Variants in NCALD observed in about 807,000 individuals in gnomAD.
The protein encoded by NCALD is neurocalcin-delta.
In NCALD, 10 loss-of-function variants were observed where a neutral mutation model predicts 18.6. That is an observed-to-expected ratio of 0.54 (90% confidence interval 0.33 to 0.91). The LOEUF is 0.91. Ranked by LOEUF, NCALD falls within the 40% of genes least tolerant of loss-of-function variation. The probability of loss-of-function intolerance (pLI) is 0.03; values close to 1 mark genes in which losing one functional copy is unlikely to be tolerated. For missense variants in NCALD, 184 were observed against 247.6 expected (o/e 0.74, Z 1.72); for synonymous variants, 88 against 87.4 (o/e 1.01, Z -0.04).
At chr8:101,990,060 T>C (rs1384966105) in intron 2 of NCALD, among the ~76,000 whole-genome samples, 1 of 152,180 alleles carries the variant, frequency 6.6e-6, no homozygotes, top group Non-Finnish European at 1.5e-5. Context: ...CTGGTAGAAT[T>C]CGTCCTGGTT....
intron 1 of NCALD, among the ~76,000 whole-genome samples, chr8:101,733,318 G>A (rs977271124): frequency 6.6e-6 from 1 of 152,214 alleles, no homozygotes; most frequent in Non-Finnish European, 1.5e-5. Context: ...AGCAAGGTGT[G>A]TAGAAAGAGA....
At chr8:101,703,434 A>C (rs147457517) in intron 2 of NCALD, among the ~76,000 whole-genome samples, 3 of 152,204 alleles carry the variant, frequency 2.0e-5, no homozygotes, top group African/African-American at 7.2e-5. Context: ...AAACATCAGC[A>C]TGAGATTAGA....
chr8:101,706,237 CT>C (rs1338266367), intron 2 of NCALD, among the ~76,000 whole-genome samples: 1 of 151,670 alleles, frequency 6.6e-6, no homozygotes, highest in East Asian at 1.9e-4. Context: ...GCTCTGGTGA[CT>C]GTCTAAATGT....
At chr8:102,100,419 T>C (rs1825237742) in intron 1 of NCALD, among the ~76,000 whole-genome samples, 1 of 152,212 alleles carries the variant, frequency 6.6e-6, no homozygotes. Context: ...TCATGAGATG[T>C]CTTTTTCAAT....
chr8:101,862,294 T>C (rs776049403), intron 4 of NCALD, among the ~76,000 whole-genome samples: 30 of 152,222 alleles, frequency 2.0e-4, no homozygotes, highest in Non-Finnish European at 4.1e-4. Flanking sequence ...ATCTACACAA[T>C]AATTAATAAA....
At chr8:101,847,416 C>A (rs991663962) in intron 4 of NCALD, 1 of 179,968 alleles carries the variant, frequency 5.6e-6, no homozygotes, top group African/African-American at 2.4e-5. Flanking sequence ...AGAAGGGGTT[C>A]TTCCATCTTG....
intron 1 of NCALD, among the ~76,000 whole-genome samples, chr8:102,062,027 C>G (rs1380449423): frequency 6.6e-6 from 1 of 152,160 alleles, no homozygotes; most frequent in African/African-American, 2.4e-5. Flanking sequence ...CATCACTAGC[C>G]AAGTTATTCC....
intron 1 of NCALD, among the ~76,000 whole-genome samples, chr8:102,050,897 T>C (rs1025907447): frequency 2.7e-5 from 4 of 147,000 alleles, no homozygotes; most frequent in Non-Finnish European, 6.0e-5. Flanking sequence ...ATTAATTTAA[T>C]TTAATTTTAT....
At chr8:101,933,903 A>C (rs1818664401) in intron 2 of NCALD, among the ~76,000 whole-genome samples, 1 of 152,232 alleles carries the variant, frequency 6.6e-6, no homozygotes, top group African/African-American at 2.4e-5. Flanking sequence ...GTTAACCCAC[A>C]GAGAGACTTC....
At chr8:101,904,863 G>A (rs1389415116) in intron 3 of NCALD, among the ~76,000 whole-genome samples, 1 of 152,114 alleles carries the variant, frequency 6.6e-6, no homozygotes, top group African/African-American at 2.4e-5. Context: ...CTGTGGTAGT[G>A]CAACATCCTG....
intron 2 of NCALD, among the ~76,000 whole-genome samples, chr8:101,981,369 C>A (rs1362440769): frequency 6.6e-6 from 1 of 152,072 alleles, no homozygotes; most frequent in Non-Finnish European, 1.5e-5. Context: ...AATATTTCTT[C>A]CAATTAAAAT....
intron 2 of NCALD, among the ~76,000 whole-genome samples, chr8:101,994,098 A>C (rs1004859098): frequency 6.6e-6 from 1 of 152,118 alleles, no homozygotes; most frequent in African/African-American, 2.4e-5. Flanking sequence ...TTTTTTCCTG[A>C]AGCTTCTTTT....
intron 2 of NCALD, among the ~76,000 whole-genome samples, chr8:101,987,221 T>G (rs1820846754): frequency 6.6e-6 from 1 of 152,220 alleles, no homozygotes; most frequent in African/African-American, 2.4e-5. Context: ...GACTATTGCC[T>G]TTTCTCAACA....
At chr8:101,797,900 C>G (rs1185619311) in intron 4 of NCALD, among the ~76,000 whole-genome samples, 3 of 151,808 alleles carry the variant, frequency 2.0e-5, no homozygotes, top group Non-Finnish European at 4.4e-5. Context: ...AACAGAGCTT[C>G]TGAGACCCAT....
intron 4 of NCALD, among the ~76,000 whole-genome samples, chr8:101,883,276 A>T (rs1816554967): frequency 6.6e-6 from 1 of 152,238 alleles, no homozygotes; most frequent in Admixed American, 6.5e-5. Flanking sequence ...CAGGAGGCTG[A>T]GGCTTCAGTA....
chr8:101,872,263 T>C (rs1454336860), intron 4 of NCALD: 3 of 1,399,906 alleles, frequency 2.1e-6, no homozygotes, highest in Non-Finnish European at 3.0e-6. Flanking sequence ...CCCTGAAATC[T>C]CCAAAACTTC....
chr8:101,764,446 T>C (rs923969382), intron 1 of NCALD, among the ~76,000 whole-genome samples: 2 of 152,144 alleles, frequency 1.3e-5, no homozygotes, highest in African/African-American at 4.8e-5. Flanking sequence ...TTTAGCAATA[T>C]AGTGGCCACT....
intron 1 of NCALD, among the ~76,000 whole-genome samples, chr8:101,781,791 T>C (rs1812023668): frequency 6.6e-6 from 1 of 152,130 alleles, no homozygotes; most frequent in African/African-American, 2.4e-5. Context: ...ATTTGTTTTC[T>C]ATTATTCTTT....
chr8:101,907,235 C>T (rs1170263652), intron 3 of NCALD, among the ~76,000 whole-genome samples: 1 of 152,178 alleles, frequency 6.6e-6, no homozygotes, highest in South Asian at 2.1e-4. Context: ...TCATCATCAT[C>T]GTCAACATCT....
Sources: gnomAD v4.1 joint callset for allele counts (sites outside exome capture counted in the v4.1 genomes callset) on GRCh38, gnomAD v4.1.1 for gene constraint, MANE v1.5 for transcripts, NCBI Gene and HGNC (gene_info 2026-07-23, HGNC 2026-07-21) for gene names.